Variants in FRMD7 observed in about 807,000 individuals in gnomAD.
The protein encoded by FRMD7 is FERM domain-containing protein 7.
In FRMD7, 14 loss-of-function variants were observed where a neutral mutation model predicts 44.1. The ratio of observed to expected loss-of-function variants is 0.32; its 90% CI spans 0.21 to 0.50. The LOEUF (loss-of-function observed/expected upper bound fraction) is 0.50, where lower values mean the gene tolerates loss of function less well. Among genes scored for constraint, FRMD7 ranks in the 20% least tolerant of loss-of-function variants. The pLI, the probability that FRMD7 is intolerant of heterozygous loss-of-function variation, is 0.99. For missense variants in FRMD7, 501 were observed against 522.3 expected (o/e 0.96, Z 0.40); for synonymous variants, 212 against 187.4 (o/e 1.13, Z -1.07).
intron 1 of FRMD7, among the ~76,000 whole-genome samples, chrX:132,118,511 ACTGGAGGCCAAGCTC>A (rs1928958999): frequency 9.0e-6 from 1 of 110,874 alleles, no homozygotes; most frequent in Non-Finnish European, 1.9e-5. Flanking sequence ...CCACACAGGA[ACTGGAGGCCAAGCTC>A]CTCCCCCTGC....
rs5977626 is a variant in FRMD7 at position 132,082,656 on chromosome X, G to T, written c.742-130C>A. 0.044 allele frequency: 24,937 copies of T among 570,696 alleles called. 480 individuals carry two copies. Among genetic ancestry groups the T allele is most frequent in the African/African-American group, 0.089 (3,958 of 44,598 alleles). 47.0% of individuals were successfully genotyped at this position (570,696 alleles called of 1,213,427 possible). A position where few individuals can be genotyped will look rare whatever the true frequency, so the allele number is the denominator to read the frequency against. ...TGATTTTCCACTTGGCTCCCTGTAGGTTTCACACCTGCTGAAACCTAATGA... is the reference window on the plus strand; with the variant it reads ...TGATTTTCCACTTGGCTCCCTGTAGTTTTCACACCTGCTGAAACCTAATGA... On this transcript the variant is annotated intron_variant, in intron 8 of 11. Coordinates refer to ENST00000298542, the MANE Select transcript of FRMD7 (RefSeq NM_194277.3).
At chrX:132,084,126 A>T (rs767055193) in intron 8 of FRMD7, among the ~76,000 whole-genome samples, 47 of 111,996 alleles carry the variant, frequency 4.2e-4, no homozygotes, top group African/African-American at 1.5e-3. Flanking sequence ...AAAGTAATTG[A>T]AGATACTTTA....
At chrX:132,085,390 C>A (rs1927950740) in intron 7 of FRMD7, among the ~76,000 whole-genome samples, 191 bp downstream of exon 7, 2 of 112,132 alleles carry the variant, frequency 1.8e-5, no homozygotes, top group South Asian at 7.5e-4. Flanking sequence ...CCATTCCCTG[C>A]AGTTAACTAT....
intron 2 of FRMD7, among the ~76,000 whole-genome samples, chrX:132,099,912 C>T (rs1928449239): frequency 8.9e-6 from 1 of 111,781 alleles, no homozygotes; most frequent in African/African-American, 3.3e-5. Flanking sequence ...TGCCAGATCA[C>T]AGATATGCCA....
At chrX:132,117,295 C>A (rs977256382) in intron 1 of FRMD7, among the ~76,000 whole-genome samples, 1 of 111,309 alleles carries the variant, frequency 9.0e-6, no homozygotes, top group African/African-American at 3.3e-5. Context: ...GTGGCCCTGC[C>A]GTCATGAGAA....
intron 9 of FRMD7, 43 bp from the exon 10 acceptor site, chrX:132,080,309 C>T (rs1927767676): frequency 4.6e-6 from 4 of 861,661 alleles, no homozygotes; most frequent in African/African-American, 2.0e-5. Flanking sequence ...TAGCCATAAA[C>T]CAATAGGCTA....
chrX:132,100,971 A>G (rs1928482673), intron 1 of FRMD7, among the ~76,000 whole-genome samples: 1 of 111,905 alleles, frequency 8.9e-6, no homozygotes, highest in African/African-American at 3.2e-5. Context: ...GCACTTAACT[A>G]TGGCTACATC....
intron 4 of FRMD7, among the ~76,000 whole-genome samples, chrX:132,096,146 C>A (rs1182963870): frequency 9.0e-6 from 1 of 111,247 alleles, no homozygotes; most frequent in Non-Finnish European, 1.9e-5. Context: ...GGGAAAGTGG[C>A]CTGTAGCTCA....
rs910445814 is a variant in FRMD7 at position 132,078,525 on chromosome X, A to G, written c.1492T>C (p.Tyr498His). 9.0e-5 allele frequency: 109 copies of G among 1,209,484 alleles called. No homozygotes were observed. Among genetic ancestry groups the G allele is most frequent in the Non-Finnish European group, 1.1e-4 (101 of 893,541 alleles). The part of the protein sequence containing the change: ...VGIMPPQVFF[Y>H]VDKPPQVPRW... ...GGCACCTGGGGTGGCTTGTCCACAT[A>G]AAAAAAGACCTGGGGAGGCATAATA... Residue 498 changes from tyrosine to histidine, a missense_variant, in exon 12 of 12, where the codon TAT becomes CAT. This residue lies in a region of FRMD7 where 453 missense variants were observed against 452.7 expected (regional missense o/e 1.00). Coordinates refer to ENST00000298542, the MANE Select transcript of FRMD7 (RefSeq NM_194277.3).
rs147086071 is a variant in FRMD7 at position 132,086,082 on chromosome X, A to T, written c.383-48T>A. 6,585 of 760,386 alleles carry T rather than the reference A, an allele frequency of 8.7e-3. 28 individuals carry two copies. The highest frequency in any genetic ancestry group is 0.012 in the Non-Finnish European group (5,598 of 485,509). 62.7% of individuals were successfully genotyped at this position (760,386 alleles called of 1,213,427 possible). ...TTTTCACATTACCTTTGAGGAACTT[A>T]GCAATGGAGCATCCAGCATACCCTT... On this transcript the variant is annotated intron_variant, in intron 5 of 11. Coordinates refer to ENST00000298542, the MANE Select transcript of FRMD7 (RefSeq NM_194277.3).
chrX:132,076,993 T>C lies in FRMD7; in HGVS notation c.*879A>G, dbSNP rs1402368442. The stretch of plus-strand genomic sequence containing the variant: ...GATTAAAACAAAAGGAAGAACATAG[T>C]TATAATTTATTTTTTAATTACCTGG... On this transcript the variant is annotated 3_prime_UTR_variant, in exon 12 of 12. Transcript: ENST00000298542. The C allele has an allele frequency of 4.5e-5, 5 of 112,046 alleles. No homozygotes were observed. The highest frequency in any genetic ancestry group is 1.3e-4 in the African/African-American group (4 of 30,853). 9.2% of individuals were successfully genotyped at this position (112,046 alleles called of 1,213,427 possible). A position where few individuals can be genotyped will look rare whatever the true frequency, so the allele number is the denominator to read the frequency against.
intron 1 of FRMD7, among the ~76,000 whole-genome samples, chrX:132,112,164 C>T (rs1033445746): frequency 2.7e-5 from 3 of 111,776 alleles, no homozygotes; most frequent in African/African-American, 9.8e-5. Context: ...ACCTAGGGAA[C>T]GAGGAAAGGG....
intron 1 of FRMD7, among the ~76,000 whole-genome samples, chrX:132,104,269 G>A (rs1284873244): frequency 3.6e-5 from 4 of 111,108 alleles, no homozygotes; most frequent in African/African-American, 1.3e-4. Context: ...GATAAAATAA[G>A]GGGGACTTTA....
At chrX:132,117,542 T>C (rs1928931902) in intron 1 of FRMD7, among the ~76,000 whole-genome samples, 1 of 111,458 alleles carries the variant, frequency 9.0e-6, no homozygotes, top group East Asian at 2.8e-4. Context: ...TTTTTGTTTG[T>C]TTTTTTGGCC....
chrX:132,086,853 A>G (rs1454265615), intron 5 of FRMD7, among the ~76,000 whole-genome samples: 1 of 112,089 alleles, frequency 8.9e-6, no homozygotes, highest in Non-Finnish European at 1.9e-5. Flanking sequence ...ATAAATGCCA[A>G]CGACATTGCA....
chrX:132,097,524 T>G lies in FRMD7; in HGVS notation c.206-180A>C, dbSNP rs57816495. On this transcript the variant is annotated intron_variant, in intron 3 of 11. Transcript: ENST00000298542. ...TTATCACATGTATAAAGTGTCACAA[T>G]TTCTGGATTGTGTCTCTATGTATAT... 5.2e-3 allele frequency among the ~76,000 whole-genome samples: 579 copies of G among 111,180 alleles called. 10 individuals carry two copies. The highest frequency in any genetic ancestry group is 0.018 in the African/African-American group (564 of 30,519).
At chrX:132,107,369 T>A (rs1928672004) in intron 1 of FRMD7, among the ~76,000 whole-genome samples, 1 of 111,970 alleles carries the variant, frequency 8.9e-6, no homozygotes, top group Admixed American at 9.5e-5. Context: ...TAATCATTCA[T>A]TCTCCTGACT....
rs1031374742 is a variant in FRMD7, at chrX:132,079,244, A to G, written c.1051-278T>C. 3.2e-4 allele frequency among the ~76,000 whole-genome samples: 36 copies of G among 111,949 alleles called. No individual in the cohort carries two copies. In the Admixed American group the frequency reaches 3.2e-3, roughly 10 times the overall value. On this transcript the variant is annotated intron_variant, in intron 11 of 11. Coordinates refer to ENST00000298542, the MANE Select transcript of FRMD7 (RefSeq NM_194277.3). ...TATACACTACAAGCAGTTTGGTTTA[A>G]TAGCTATATTAGTGAACCAGGAGTC...
At chrX:132,088,578 A>C (rs968627844) in intron 5 of FRMD7, among the ~76,000 whole-genome samples, 1 of 110,874 alleles carries the variant, frequency 9.0e-6, no homozygotes, top group African/African-American at 3.3e-5. Context: ...AAAGGAAAAA[A>C]AGGAAAGAAA....
Sources: gnomAD v4.1 joint callset for allele counts (sites outside exome capture counted in the v4.1 genomes callset) on GRCh38, gnomAD v4.1.1 for gene constraint, gnomAD v4.1.1 regional missense constraint, MANE v1.5 for transcripts, NCBI Gene and HGNC (gene_info 2026-07-23, HGNC 2026-07-21) for gene names.